The following NRXN1 variants were observed in gnomAD, a reference collection of about 807,000 sequenced individuals.
The protein encoded by NRXN1 is neurexin 1, also known as neurexin-1.
A neutral mutation model predicts 150.9 loss-of-function variants in NRXN1; 39 were observed. That is an observed-to-expected ratio of 0.26 (90% CI 0.20 to 0.34). The LOEUF (loss-of-function observed/expected upper bound fraction) is 0.34, where lower values mean the gene tolerates loss of function less well. Among genes scored for constraint, NRXN1 ranks in the 10% least tolerant of loss-of-function variants. The pLI is 1.00. For synonymous variants in NRXN1, 924 were observed against 757.0 expected, an observed-to-expected ratio of 1.22 and a Z score of -3.62; for missense variants, 1,815 against 1,949.9, an observed-to-expected ratio of 0.93 and a Z score of 1.30.
At chr2:50,016,046 G>A (rs922419087) in intron 21 of NRXN1, among the ~76,000 whole-genome samples, 1 of 152,006 alleles carries the variant, frequency 6.6e-6, no homozygotes, top group Non-Finnish European at 1.5e-5. Flanking sequence ...TGCCTCTCTA[G>A]GGCTTTGTAG....
chr2:50,743,742 C>T (rs1373310818), intron 5 of NRXN1, among the ~76,000 whole-genome samples: 1 of 152,046 alleles, frequency 6.6e-6, no homozygotes, highest in Non-Finnish European at 1.5e-5. Flanking sequence ...ATAAAACAAC[C>T]CTAGATTTCC....
At chr2:50,093,892 G>C (rs551490194) in intron 18 of NRXN1, among the ~76,000 whole-genome samples, 64 of 152,284 alleles carry the variant, frequency 4.2e-4, no homozygotes, top group Non-Finnish European at 7.9e-4. Context: ...TTAGGCTCCA[G>C]AGTCTGGTCC....
chr2:50,393,200 G>T (rs2081851767), intron 17 of NRXN1, among the ~76,000 whole-genome samples: 1 of 151,740 alleles, frequency 6.6e-6, no homozygotes, highest in South Asian at 2.1e-4. Flanking sequence ...TATGTATACT[G>T]GATGTTTTCC....
At position 50,020,090 on chromosome 2, in the gene NRXN1, A is replaced by G. The variant is rs542486326; in HGVS notation, c.4128+33181T>C. Reference sequence around the variant, plus strand: ...TATCTTAATAGGTGTATTTGTATACATTCATTAAGTATACGCAGACTAGGC... The same window carrying G: ...TATCTTAATAGGTGTATTTGTATACGTTCATTAAGTATACGCAGACTAGGC... On this transcript the variant is annotated intron_variant, in intron 21 of 22. Transcript: ENST00000401669. Among the ~76,000 whole-genome samples the G allele has an allele frequency of 4.6e-5, 7 of 152,014 alleles. No homozygotes were observed. In the South Asian group the frequency reaches 8.3e-4, roughly 18 times the overall value.
At chr2:50,619,710 A>G in intron 8 of NRXN1, 1 of 399,526 alleles carries the variant, frequency 2.5e-6, no homozygotes, top group South Asian at 1.4e-4. Flanking sequence ...ATAAGCAAGT[A>G]AACCATTTAG....
In NRXN1 at chr2:50,941,752, T is replaced by C. The variant is rs569358429; in HGVS notation, c.773-15797A>G. 3.0e-4 allele frequency among the ~76,000 whole-genome samples: 45 copies of C among 152,244 alleles called. No individual in the cohort carries two copies. In the East Asian group the frequency reaches 7.6e-3, roughly 26 times the overall value. The stretch of plus-strand genomic sequence containing the variant: ...AGATTACCTGATATTGGAACTTATG[T>C]TTAAAAGGGAAACAGAGCATAAAAG... On this transcript the variant is annotated intron_variant, in intron 2 of 22. Coordinates refer to ENST00000401669, the MANE Select transcript of NRXN1 (RefSeq NM_001330078.2).
At chr2:50,297,548 T>A (rs2073732961) in intron 17 of NRXN1, among the ~76,000 whole-genome samples, 1 of 152,154 alleles carries the variant, frequency 6.6e-6, no homozygotes, top group Non-Finnish European at 1.5e-5. Flanking sequence ...ACTATGGACT[T>A]CACCCTAAAG....
At chr2:49,982,966 G>A (rs1680228923) in intron 21 of NRXN1, among the ~76,000 whole-genome samples, 1 of 151,842 alleles carries the variant, frequency 6.6e-6, no homozygotes, top group Admixed American at 6.6e-5. Context: ...CATCTTTACT[G>A]GCATGAACAT....
intron 5 of NRXN1, among the ~76,000 whole-genome samples, chr2:50,795,026 T>C (rs1706603859): frequency 6.6e-6 from 1 of 152,162 alleles, no homozygotes; most frequent in African/African-American, 2.4e-5. Flanking sequence ...CTTGTTTACA[T>C]TTCCCTACCT....
intron 5 of NRXN1, among the ~76,000 whole-genome samples, chr2:50,882,344 C>T (rs1032294402): frequency 1.3e-5 from 2 of 151,848 alleles, no homozygotes; most frequent in Non-Finnish European, 2.9e-5. Flanking sequence ...TATATAATAA[C>T]TTCATTTATG....
At chr2:50,003,517 A>C (rs1222264509) in intron 21 of NRXN1, among the ~76,000 whole-genome samples, 2 of 152,064 alleles carry the variant, frequency 1.3e-5, no homozygotes, top group African/African-American at 4.8e-5. Flanking sequence ...TCCTAATTTG[A>C]AAGTTGATAA....
rs199697191 is a variant in NRXN1, at chr2:49,922,221, G to C, written c.4247C>G (p.Pro1416Arg). 5.6e-6 allele frequency: 9 copies of C among 1,614,108 alleles called. No homozygotes were observed. Among genetic ancestry groups the C allele is most frequent in the Middle Eastern group, 1.6e-4 (1 of 6,062 alleles). ...ANPTRAGGREPYPGSAEVIRE... is the reference protein window; with the variant it reads ...ANPTRAGGRERYPGSAEVIRE... ...GATCACTTCTGCTGAGCCTGGATAC[G>C]GCTCTCTGCCGCCTGCTCGGGTTGG... Residue 1416 changes from proline to arginine, a missense_variant, in exon 23 of 23, where the codon CCG becomes CGG. By Grantham distance (103) the Pro-to-Arg change is moderately radical. Around this residue, in one of 6 missense-constraint regions of NRXN1, gnomAD observed 265 missense variants for 307.1 expected, o/e 0.86. Transcript: ENST00000401669.
At chr2:50,280,599 T>A (rs2071294990) in intron 17 of NRXN1, among the ~76,000 whole-genome samples, 1 of 152,188 alleles carries the variant, frequency 6.6e-6, no homozygotes, top group African/African-American at 2.4e-5. Context: ...AACAAAGGCC[T>A]ACCTTAAAAA....
chr2:50,368,307 A>C (rs764604758), intron 17 of NRXN1, among the ~76,000 whole-genome samples: 3 of 152,004 alleles, frequency 2.0e-5, no homozygotes, highest in Admixed American at 6.6e-5. Context: ...AGAGCAAGAA[A>C]CATTAACAAG....
At chr2:49,981,006 C>A (rs1482664512) in intron 21 of NRXN1, among the ~76,000 whole-genome samples, 1 of 152,060 alleles carries the variant, frequency 6.6e-6, no homozygotes, top group Non-Finnish European at 1.5e-5. Flanking sequence ...TCTTGCAATT[C>A]TAGTTTTTCT....
At chr2:50,909,633 C>A (rs1684248052) in intron 5 of NRXN1, among the ~76,000 whole-genome samples, 1 of 151,954 alleles carries the variant, frequency 6.6e-6, no homozygotes, top group South Asian at 2.1e-4. Context: ...CACACCCCAA[C>A]AAGCTTAATT....
chr2:50,099,933 C>A (rs982269226), intron 18 of NRXN1, among the ~76,000 whole-genome samples: 3 of 152,070 alleles, frequency 2.0e-5, no homozygotes, highest in Admixed American at 1.3e-4. Context: ...ACATCCATGT[C>A]CCCTCCCATC....
At chr2:50,559,917 A>T (rs891909952) in intron 8 of NRXN1, among the ~76,000 whole-genome samples, 4 of 152,204 alleles carry the variant, frequency 2.6e-5, no homozygotes, top group Non-Finnish European at 5.9e-5. Context: ...TTTGGCCCAA[A>T]AGCAAATTTT....
intron 5 of NRXN1, among the ~76,000 whole-genome samples, chr2:50,829,100 G>A (rs1404860889): frequency 3.3e-5 from 5 of 151,770 alleles, no homozygotes; most frequent in African/African-American, 7.2e-5. Context: ...GTGGTGGCAC[G>A]TGCCTGCAAT....
Sources: allele counts gnomAD v4.1 joint callset (sites outside exome capture counted in the v4.1 genomes callset), GRCh38; gene constraint gnomAD v4.1.1; regional missense constraint gnomAD v4.1.1; transcripts MANE v1.5; gene names NCBI Gene and HGNC (gene_info 2026-07-23, HGNC 2026-07-21).